The following ZNF263 variants were observed in gnomAD, a reference collection of about 807,000 sequenced individuals.
The protein encoded by ZNF263 is zinc finger protein 263, also known as zinc finger protein FPM315.
In ZNF263, 49 loss-of-function variants were observed where a neutral mutation model predicts 63.1. The observed-to-expected ratio is 0.78, with a 90% CI of 0.62 to 0.99. The LOEUF (loss-of-function observed/expected upper bound fraction) is 0.99, where lower values mean the gene tolerates loss of function less well. Ranked by LOEUF, ZNF263 falls within the 50% of genes least tolerant of loss-of-function variation. ZNF263 has a pLI of 0.00. For missense variants in ZNF263, 872 were observed against 854.8 expected (o/e 1.02, Z -0.25); for synonymous variants, 352 against 324.2 (o/e 1.09, Z -0.92).
rs1202685266 is a variant in ZNF263, at chr16:3,290,025, C to T, written c.1519C>T (p.Arg507Trp). ...EIFAHSSNLL[R>W]HQRIHTGERP... The stretch of plus-strand genomic sequence containing the variant: ...CTTTGCTCACAGTTCCAACCTCCTT[C>T]GGCACCAGAGAATTCACACTGGAGA... Residue 507 changes from arginine (R) to tryptophan (W), a missense_variant, in exon 6 of 6, where the codon CGG becomes TGG. By Grantham distance (101) the Arg-to-Trp change is moderately radical. Transcript: ENST00000219069. 3 of 1,613,924 alleles carry T rather than the reference C, an allele frequency of 1.9e-6. No homozygotes were observed. Among genetic ancestry groups the T allele is most frequent in the Non-Finnish European group, 2.5e-6 (3 of 1,179,972 alleles).
downstream of ZNF263, among the ~76,000 whole-genome samples, chr16:3,296,358 G>A (rs890821611): frequency 7.9e-5 from 12 of 152,116 alleles, no homozygotes; most frequent in African/African-American, 2.9e-4. Context: ...AAAGGAACTA[G>A]AGAGCTGCCC....
chr16:3,290,934 G>A lies in ZNF263; in HGVS notation c.*376G>A. The A allele has an allele frequency of 9.9e-7, 1 of 1,008,438 alleles. No individual in the cohort carries two copies. The highest frequency in any genetic ancestry group is 1.2e-6 in the Non-Finnish European group (1 of 842,376). 62.5% of individuals were successfully genotyped at this position (1,008,438 alleles called of 1,614,324 possible). Reference sequence around the variant, plus strand: ...GTTTTTGATACTTCTTCCTCATTTGGGACATTCAGTAGGAGCATTTGGGCT... The same window carrying A: ...GTTTTTGATACTTCTTCCTCATTTGAGACATTCAGTAGGAGCATTTGGGCT... On this transcript the variant is annotated 3_prime_UTR_variant, in exon 6 of 6. Coordinates refer to ENST00000219069, the MANE Select transcript of ZNF263 (RefSeq NM_005741.5).
rs1160036235 is a variant in ZNF263, at chr16:3,283,643, A to C, written c.-176A>C. ...GCCGGCGTGGCGGCGCCTGGGACCG[A>C]CTGAGGCCTAGGCGCCGGAGCCGGC... On this transcript the variant is annotated 5_prime_UTR_variant, in exon 1 of 6. Transcript: ENST00000219069. 3 of 1,057,898 alleles carry C rather than the reference A, an allele frequency of 2.8e-6. No homozygotes were observed. Among genetic ancestry groups the C allele is most frequent in the Non-Finnish European group, 3.7e-6 (3 of 817,072 alleles). The allele number at this position is 1,057,898 out of a possible 1,614,324, so 65.5% of individuals were successfully genotyped here.
chr16:3,292,921 C>G (rs531964171), downstream of ZNF263: 1 of 152,224 alleles, frequency 6.6e-6, no homozygotes, highest in African/African-American at 2.4e-5. Context: ...TGCCAACTGT[C>G]GACAGATGAT....
intron 2 of ZNF263, chr16:3,300,244 C>T (rs1309469904): frequency 1.2e-6 from 2 of 1,614,152 alleles, no homozygotes; most frequent in Non-Finnish European, 1.7e-6. Flanking sequence ...AAAAAGCCAA[C>T]CAGTGCTAGC....
chr16:3,290,882 C>CTTA lies in ZNF263; in HGVS notation c.*325_*327dup. On this transcript the variant is annotated 3_prime_UTR_variant, in exon 6 of 6. Coordinates refer to ENST00000219069, the MANE Select transcript of ZNF263 (RefSeq NM_005741.5). ...TTGGGCACCTGACTGTCCAGTTTAC[C>CTTA]TTAACAAGTTTGGGAATCCATGTGA... 9.4e-7 allele frequency: 1 copy of CTTA among 1,062,888 alleles called. No homozygotes were observed. Among genetic ancestry groups the CTTA allele is most frequent in the Non-Finnish European group, 1.1e-6 (1 of 877,310 alleles). 65.8% of individuals were successfully genotyped at this position (1,062,888 alleles called of 1,614,324 possible). A position where few individuals can be genotyped will look rare whatever the true frequency, so the allele number is the denominator to read the frequency against.
intron 1 of ZNF263, among the ~76,000 whole-genome samples, chr16:3,298,098 G>T (rs1277617007): frequency 1.3e-5 from 2 of 152,164 alleles, no homozygotes; most frequent in African/African-American, 4.8e-5. Flanking sequence ...TCCCCTGGTG[G>T]AGTATTAAAA....
intron 2 of ZNF263, chr16:3,300,522 TAC>T: frequency 1.2e-6 from 2 of 1,614,054 alleles, no homozygotes. Context: ...ATTCATCCAT[TAC>T]ACTTTTAAGT....
Position 3,286,048 on chromosome 16 carries a change from C to A in ZNF263, c.668C>A (p.Ala223Glu), listed in dbSNP as rs1366775220. 1.2e-6 allele frequency: 2 copies of A among 1,613,168 alleles called. No homozygotes were observed. Among genetic ancestry groups the A allele is most frequent in the African/African-American group, 2.7e-5 (2 of 74,832 alleles). ...PQLPESLEDV[A>E]MYISQEEWGH... ...TTGCCTGAGAGCTTAGAGGACGTGG[C>A]AATGTACATCTCCCAGGAGGAGTGG... is the stretch of plus-strand genomic sequence containing the variant. The change falls in exon 4 of 6, where the codon GCA (alanine) becomes GAA (glutamate). Residue 223 changes from alanine to glutamate, a missense_variant. Physicochemically the swap from Ala to Glu is moderately radical, Grantham distance 107 (BLOSUM62 -1). Coordinates refer to ENST00000219069, the MANE Select transcript of ZNF263 (RefSeq NM_005741.5).
chr16:3,299,227 T>A (rs769947226), intron 2 of ZNF263: 3 of 1,609,778 alleles, frequency 1.9e-6, no homozygotes, highest in Non-Finnish European at 8.5e-7. Flanking sequence ...TCCTCCTTTT[T>A]GAACAACTTC....
intron 1 of ZNF263, among the ~76,000 whole-genome samples, chr16:3,298,575 T>G (rs903894790): frequency 6.6e-6 from 1 of 152,210 alleles, no homozygotes; most frequent in Admixed American, 6.5e-5. Flanking sequence ...ACTAAATAGG[T>G]AGTAACAGAG....
At chr16:3,300,800 G>C in intron 2 of ZNF263, 1 of 1,021,594 alleles carries the variant, frequency 9.8e-7, no homozygotes, top group Non-Finnish European at 1.4e-6. Flanking sequence ...TAGAGGTGGA[G>C]GTCTTATGCA....
intron 4 of ZNF263, among the ~76,000 whole-genome samples, chr16:3,287,321 A>G (rs1959404453): frequency 6.6e-6 from 1 of 151,652 alleles, no homozygotes; most frequent in African/African-American, 2.4e-5. Flanking sequence ...CATGTAGGTC[A>G]GGCTCATCTT....
rs765824769 is a variant in ZNF263 at position 3,289,971 on chromosome 16, C to T, written c.1465C>T (p.Pro489Ser). 2 of 1,614,158 alleles carry T rather than the reference C, an allele frequency of 1.2e-6. No homozygotes were observed. The highest frequency in any genetic ancestry group is 8.5e-7 in the Non-Finnish European group (1 of 1,180,036). The change falls in exon 6 of 6, where the codon CCC becomes TCC. Residue 489 changes from proline to serine, a missense_variant. Transcript: ENST00000219069. ...RHQRTHTGEK[P>S]YKCPECGEIF... ...CCAGAGAACGCACACTGGGGAGAAGCCCTACAAGTGCCCTGAGTGTGGGGA... is the reference window on the plus strand; with the variant it reads ...CCAGAGAACGCACACTGGGGAGAAGTCCTACAAGTGCCCTGAGTGTGGGGA...
intron 1 of ZNF263, chr16:3,299,037 G>A: frequency 7.2e-7 from 1 of 1,379,360 alleles, no homozygotes; most frequent in Admixed American, 2.9e-5. Flanking sequence ...GTTTCAAAAA[G>A]CTACCAATTC....
chr16:3,296,741 T>C (rs543318986), intron 1 of ZNF263, among the ~76,000 whole-genome samples: 1 of 151,954 alleles, frequency 6.6e-6, no homozygotes, highest in South Asian at 2.1e-4. Flanking sequence ...CAATCACTAC[T>C]AATAAAAAAG....
At chr16:3,292,463 T>G (rs75890799), downstream of ZNF263, among the ~76,000 whole-genome samples, 777 of 152,198 alleles carry the variant, frequency 5.1e-3, 9 homozygotes, top group African/African-American at 0.018. Context: ...ATTAGAGAGA[T>G]CAGAGTAGGA....
At chr16:3,295,558 G>GGCCGAGCGAGGCGATGGGAGA (rs149918573), downstream of ZNF263, among the ~76,000 whole-genome samples, 50,052 of 152,120 alleles carry the variant, frequency 0.33, 9,959 homozygotes, top group African/African-American at 0.54. Context: ...AGGCGCGGAG[G>GGCCGAGCGAGGCGATGGGAGA]GCCGAGCTGG....
At position 3,283,885 on chromosome 16, in the gene ZNF263, G is replaced by C. The variant is rs758390607; in HGVS notation, c.67G>C (p.Ala23Pro). 6.2e-7 allele frequency: 1 copy of C among 1,610,116 alleles called. No individual in the cohort carries two copies. Among genetic ancestry groups the C allele is most frequent in the Non-Finnish European group, 8.5e-7 (1 of 1,178,646 alleles). The change falls in exon 1 of 6, where the codon GCC becomes CCC. Residue 23 changes from alanine to proline, a missense_variant. Physicochemically the swap from Ala to Pro is conservative, Grantham distance 27 (BLOSUM62 -1). Transcript: ENST00000219069. ...GATAGTGAAGCTGGAGGAGGACTGCGCCTGGAGCCAGGAGCTGCCCCCACC... is the reference window on the plus strand; with the variant it reads ...GATAGTGAAGCTGGAGGAGGACTGCCCCTGGAGCCAGGAGCTGCCCCCACC... Reference protein sequence around the residue: ...LLIVKLEEDCAWSQELPPPDP... With the variant: ...LLIVKLEEDCPWSQELPPPDP...
Sources: gnomAD v4.1 joint callset for allele counts (sites outside exome capture counted in the v4.1 genomes callset) on GRCh38, gnomAD v4.1.1 for gene constraint, MANE v1.5 for transcripts, NCBI Gene and HGNC (gene_info 2026-07-23, HGNC 2026-07-21) for gene names.